RABGAP1L: variants seen among roughly 807,000 people sequenced by gnomAD.
The protein encoded by RABGAP1L is rab GTPase-activating protein 1-like.
A neutral mutation model predicts 137.7 loss-of-function variants in RABGAP1L; 63 were observed. The observed-to-expected ratio is 0.46, with a 90% CI of 0.37 to 0.56. RABGAP1L has a LOEUF of 0.56. Ranked by LOEUF, RABGAP1L falls within the 20% of genes least tolerant of loss-of-function variation. The pLI, the probability that RABGAP1L is intolerant of heterozygous loss-of-function variation, is 0.00. For synonymous variants in RABGAP1L, 431 were observed against 433.7 expected, an observed-to-expected ratio of 0.99 and a Z score of 0.08; for missense variants, 1,095 against 1,244.0, an observed-to-expected ratio of 0.88 and a Z score of 1.80.
chr1:174,247,074 G>A (rs115328675), intron 5 of RABGAP1L, among the ~76,000 whole-genome samples: 197 of 151,954 alleles, frequency 1.3e-3, no homozygotes, highest in African/African-American at 4.5e-3. Flanking sequence ...AGCTCCATAC[G>A]CTTAACCTTT....
chr1:174,202,397 G>A (rs1167633115), intron 1 of RABGAP1L, among the ~76,000 whole-genome samples: 3 of 152,182 alleles, frequency 2.0e-5, no homozygotes, highest in Non-Finnish European at 4.4e-5. Flanking sequence ...TTCTCTGATG[G>A]CCAGTGATGG....
chr1:174,336,884 T>TGTGTGA (rs1553276012), intron 11 of RABGAP1L, among the ~76,000 whole-genome samples: 13 of 96,736 alleles, frequency 1.3e-4, no homozygotes, highest in East Asian at 2.2e-4. Flanking sequence ...TGTGTGTGTG[T>TGTGTGA]GAGAGAGAGA....
intron 11 of RABGAP1L, chr1:174,367,046 G>A (rs1684697249): frequency 6.6e-6 from 1 of 152,094 alleles, no homozygotes; most frequent in Non-Finnish European, 1.5e-5. Flanking sequence ...AACTCTTCAA[G>A]CAATTCAGCT....
At chr1:174,670,749 T>A (rs1460303613) in intron 14 of RABGAP1L, among the ~76,000 whole-genome samples, 1 of 152,208 alleles carries the variant, frequency 6.6e-6, no homozygotes, top group Non-Finnish European at 1.5e-5. Context: ...GGCTGAATAG[T>A]ACTCCATTGT....
chr1:174,259,283 A>G (rs1384810502), intron 7 of RABGAP1L, among the ~76,000 whole-genome samples: 3 of 152,080 alleles, frequency 2.0e-5, no homozygotes, highest in Non-Finnish European at 2.9e-5. Flanking sequence ...TGGAATACAG[A>G]GCTTTATACT....
At chr1:174,520,304 C>T (rs761131645) in intron 13 of RABGAP1L, among the ~76,000 whole-genome samples, 1 of 152,178 alleles carries the variant, frequency 6.6e-6, no homozygotes, top group Non-Finnish European at 1.5e-5. Flanking sequence ...ATATATTTAA[C>T]TCTCTAGTCT....
At chr1:174,365,052 A>T (rs1684493803) in intron 11 of RABGAP1L, among the ~76,000 whole-genome samples, 1 of 152,210 alleles carries the variant, frequency 6.6e-6, no homozygotes, top group African/African-American at 2.4e-5. Flanking sequence ...TTAAGCAGAA[A>T]GAAGGAGACA....
intron 19 of RABGAP1L, among the ~76,000 whole-genome samples, chr1:174,853,491 G>A (rs1385394255): frequency 6.6e-6 from 1 of 152,094 alleles, no homozygotes. Flanking sequence ...CAGCACTTTG[G>A]GAGGCTGAGG....
At chr1:174,946,652 G>A (rs929338206) in intron 19 of RABGAP1L, among the ~76,000 whole-genome samples, 4 of 151,890 alleles carry the variant, frequency 2.6e-5, no homozygotes, top group African/African-American at 9.7e-5. Context: ...TGTCATCCTA[G>A]CACTTTGAGA....
chr1:174,325,120 T>C (rs1680324059), intron 11 of RABGAP1L, among the ~76,000 whole-genome samples: 2 of 152,198 alleles, frequency 1.3e-5, no homozygotes, highest in South Asian at 2.1e-4. Flanking sequence ...GAACTAAAAA[T>C]AGAGAGAAGT....
chr1:174,353,910 A>C lies in RABGAP1L; in HGVS notation c.1466-17069A>C, dbSNP rs149995287. Among the ~76,000 whole-genome samples the C allele has an allele frequency of 2.6e-5, 4 of 152,228 alleles. No homozygotes were observed. The East Asian group carries it at 7.7e-4, about 29-fold the overall frequency. On this transcript the variant is annotated intron_variant, in intron 11 of 25. Transcript: ENST00000681986. ...GGTATTCGAATTTGCTCAGTAACTCATTTTGGTTCTTTTCAGCAGTACAAA... is the reference window on the plus strand; with the variant it reads ...GGTATTCGAATTTGCTCAGTAACTCCTTTTGGTTCTTTTCAGCAGTACAAA...
At chr1:174,219,376 T>C in intron 2 of RABGAP1L, 81 bp downstream of exon 2, 3 of 998,558 alleles carry the variant, frequency 3.0e-6, no homozygotes, top group Non-Finnish European at 4.1e-6. Context: ...AATGCAAAGG[T>C]TTTTCTCAAG....
chr1:174,448,546 G>T lies in RABGAP1L; in HGVS notation c.1710+54401G>T. 6.2e-7 allele frequency: 1 copy of T among 1,612,476 alleles called. No homozygotes were observed. The highest frequency in any genetic ancestry group is 8.5e-7 in the Non-Finnish European group (1 of 1,179,054). On this transcript the variant is annotated intron_variant, in intron 13 of 25. Coordinates refer to ENST00000681986, the MANE Select transcript of RABGAP1L (RefSeq NM_001366446.1). The surrounding 1 kb of genome is among the most constrained non-coding windows in gnomAD (Gnocchi z 4.2). ...TGGATCGTTATCTTGCAATAACCAA[G>T]CCTCTTTCCTACAATCAACTGGTCA...
intron 1 of RABGAP1L, among the ~76,000 whole-genome samples, chr1:174,197,442 G>C (rs1571497775): frequency 6.6e-6 from 1 of 152,060 alleles, no homozygotes; most frequent in African/African-American, 2.4e-5. Flanking sequence ...GATCCCTCTT[G>C]GTGAAAGGAG....
intron 19 of RABGAP1L, among the ~76,000 whole-genome samples, chr1:174,949,124 T>C (rs1039111267): frequency 6.6e-6 from 1 of 152,178 alleles, no homozygotes; most frequent in African/African-American, 2.4e-5. Context: ...TTGCAAAATA[T>C]AGGCAAAGAG....
At chr1:174,185,660 C>T (rs1397947709) in intron 1 of RABGAP1L, among the ~76,000 whole-genome samples, 2 of 152,118 alleles carry the variant, frequency 1.3e-5, no homozygotes, top group Non-Finnish European at 2.9e-5. Flanking sequence ...TCTGTGGCAG[C>T]ATAATACCAC....
At chr1:174,480,323 C>T (rs1658955182) in intron 13 of RABGAP1L, among the ~76,000 whole-genome samples, 1 of 152,156 alleles carries the variant, frequency 6.6e-6, no homozygotes, top group Non-Finnish European at 1.5e-5. Flanking sequence ...GATTTAAAAG[C>T]TTTATTTAGG....
chr1:174,876,008 C>T (rs1321759992), intron 19 of RABGAP1L, among the ~76,000 whole-genome samples: 6 of 151,906 alleles, frequency 3.9e-5, no homozygotes, highest in East Asian at 3.9e-4. Flanking sequence ...GGTGCTTTTC[C>T]CTCCTTCCTT....
At chr1:174,211,951 C>T (rs1404533777) in intron 1 of RABGAP1L, among the ~76,000 whole-genome samples, 1 of 152,036 alleles carries the variant, frequency 6.6e-6, no homozygotes, top group African/African-American at 2.4e-5. Flanking sequence ...CATATATATG[C>T]ACCTAACCCT....
Sources: allele counts gnomAD v4.1 joint callset (sites outside exome capture counted in the v4.1 genomes callset), GRCh38; gene constraint gnomAD v4.1.1; non-coding constraint Gnocchi (gnomAD v3.1); transcripts MANE v1.5; gene names NCBI Gene and HGNC (gene_info 2026-07-23, HGNC 2026-07-21).